The following PCDHGB7 variants were observed in gnomAD, a reference collection of about 807,000 sequenced individuals.
PCDHGB7 encodes protocadherin gamma subfamily B, 7, also known as protocadherin gamma-B7.
PCDHGB7 carries 37 observed loss-of-function variants against 61.4 expected under a neutral mutation model. The ratio of observed to expected loss-of-function variants is 0.60; its 90% confidence interval spans 0.46 to 0.79. The LOEUF is 0.79. PCDHGB7 is among the 30% of genes least tolerant of loss of function. The pLI is 0.00. For missense variants in PCDHGB7, 1,166 were observed against 1,202.5 expected (o/e 0.97, Z 0.45); for synonymous variants, 464 against 503.5 (o/e 0.92, Z 1.05).
chr5:141,421,222 C>G, intron 1 of PCDHGB7: 2 of 1,576,946 alleles, frequency 1.3e-6, no homozygotes, highest in Non-Finnish European at 1.7e-6. Flanking sequence ...CGGCTTAGAG[C>G]CTGCCATGGC....
chr5:141,482,767 A>AGCTAGTACTATAATTATTTTTATTAGTTC (rs1370824281), intron 1 of PCDHGB7, among the ~76,000 whole-genome samples: 2 of 150,588 alleles, frequency 1.3e-5, no homozygotes, highest in African/African-American at 2.5e-5. Context: ...TTTCATTATC[A>AGCTAGTACTATAATTATTTTTATTAGTTC]CTGAACCTTA....
At chr5:141,496,799 G>C (rs2099771487) in intron 2 of PCDHGB7, among the ~76,000 whole-genome samples, 1 of 151,912 alleles carries the variant, frequency 6.6e-6, no homozygotes, top group African/African-American at 2.4e-5. Context: ...TAAACATTGG[G>C]CTATAGGAGT....
chr5:141,421,338 A>G (rs560707757), intron 1 of PCDHGB7: 2 of 1,613,966 alleles, frequency 1.2e-6, no homozygotes, highest in Non-Finnish European at 1.7e-6. Context: ...ATTCGGTGCC[A>G]GAAGAGACCG....
At position 141,432,587 on chromosome 5, in the gene PCDHGB7, A is replaced by G. The variant is rs1344597432; in HGVS notation, c.2415+12313A>G. 5 of 1,613,132 alleles carry G rather than the reference A, an allele frequency of 3.1e-6. No homozygotes were observed. In the East Asian group the frequency reaches 8.9e-5, roughly 29 times the overall value. ...CGCCTGGCTGTCCTACCGTCTGCTC[A>G]AGGCCAGCGAGCCGGGACTCTTCTC... On this transcript the variant is annotated intron_variant, in intron 1 of 3. Transcript: ENST00000398594. This position sits in a 1 kb window ranked among gnomAD's most constrained non-coding sequence, Gnocchi z 6.0.
chr5:141,422,746 T>G (rs763386007), intron 1 of PCDHGB7: 1 of 1,611,014 alleles, frequency 6.2e-7, no homozygotes, highest in Non-Finnish European at 8.5e-7. Context: ...CTCCTATGTC[T>G]CTATTAACTC....
At position 141,491,733 on chromosome 5, in the gene PCDHGB7, TGGGGGCGGCAC is replaced by T; in HGVS notation, c.2416-3073_2416-3063del. 1.9e-6 allele frequency: 3 copies of T among 1,602,698 alleles called. No individual in the cohort carries two copies. The highest frequency in any genetic ancestry group is 2.6e-6 in the Non-Finnish European group (3 of 1,175,258). On this transcript the variant is annotated intron_variant, in intron 1 of 3. Coordinates refer to ENST00000398594, the MANE Select transcript of PCDHGB7 (RefSeq NM_018927.4). The surrounding 1 kb of genome is among the most constrained non-coding windows in gnomAD (Gnocchi z 6.9). ...GCTCGGCGCCGCCCCGGGCGACCCC[TGGGGGCGGCAC>T]TGGAGAAGCCGCCCGTCCTCATAAG...
intron 1 of PCDHGB7, among the ~76,000 whole-genome samples, chr5:141,481,647 A>G (rs749515062): frequency 1.6e-4 from 25 of 151,712 alleles, no homozygotes; most frequent in Non-Finnish European, 2.8e-4. Flanking sequence ...GTGAAACTTC[A>G]TCTCTACTAA....
chr5:141,422,467 G>A (rs1380910490), intron 1 of PCDHGB7: 1 of 1,613,664 alleles, frequency 6.2e-7, no homozygotes, highest in Non-Finnish European at 8.5e-7. Context: ...GCTGGACAGG[G>A]AGTTGGTCCA....
At chr5:141,430,906 C>A (rs764039566) in intron 1 of PCDHGB7, 2 of 1,606,932 alleles carry the variant, frequency 1.2e-6, no homozygotes, top group Non-Finnish European at 1.7e-6. Flanking sequence ...GCGACATCTC[C>A]AGGGACCTGG....
rs2099750571 is a variant in PCDHGB7, at chr5:141,493,878, T to A, written c.2416-929T>A. On this transcript the variant is annotated intron_variant, in intron 1 of 3. Coordinates refer to ENST00000398594, the MANE Select transcript of PCDHGB7 (RefSeq NM_018927.4). This position sits in a 1 kb window ranked among gnomAD's most constrained non-coding sequence, Gnocchi z 4.3. ...GCCCACCCCAGAACCAGTGAGGAGG[T>A]GGCTCTAGGAGTGCTCCATGAGAGT... is the stretch of plus-strand genomic sequence containing the variant. 6.6e-6 allele frequency among the ~76,000 whole-genome samples: 1 copy of A among 152,072 alleles called. No homozygotes were observed. The highest frequency in any genetic ancestry group is 6.6e-5 in the Admixed American group (1 of 15,264).
intron 1 of PCDHGB7, among the ~76,000 whole-genome samples, chr5:141,474,588 A>G (rs2099351676): frequency 6.6e-6 from 1 of 152,258 alleles, no homozygotes; most frequent in Non-Finnish European, 1.5e-5. Context: ...TGTTAAAGAC[A>G]TGGAAATATA....
intron 1 of PCDHGB7, among the ~76,000 whole-genome samples, chr5:141,430,143 A>C (rs1451633366): frequency 2.0e-5 from 3 of 152,180 alleles, no homozygotes; most frequent in Non-Finnish European, 4.4e-5. Flanking sequence ...TCCATTCAGG[A>C]TCATTCAAGG....
chr5:141,489,951 T>C lies in PCDHGB7; in HGVS notation c.2416-4856T>C. On this transcript the variant is annotated intron_variant, in intron 1 of 3. Coordinates refer to ENST00000398594, the MANE Select transcript of PCDHGB7 (RefSeq NM_018927.4). The surrounding 1 kb of genome is among the most constrained non-coding windows in gnomAD (Gnocchi z 4.5). ...CTGTCATCGTGCTGGACATCAATGATAATGCTCCAACCTTCCAATCCTCAG... is the reference window on the plus strand; with the variant it reads ...CTGTCATCGTGCTGGACATCAATGACAATGCTCCAACCTTCCAATCCTCAG... 6.2e-7 allele frequency: 1 copy of C among 1,614,210 alleles called. No homozygotes were observed. Among genetic ancestry groups the C allele is most frequent in the Non-Finnish European group, 8.5e-7 (1 of 1,180,032 alleles).
chr5:141,472,068 G>C (rs1050927364), intron 1 of PCDHGB7, among the ~76,000 whole-genome samples: 7 of 151,974 alleles, frequency 4.6e-5, no homozygotes, highest in Non-Finnish European at 8.8e-5. Context: ...CATGTCTGTG[G>C]TTATATCAAT....
At chr5:141,420,341 G>A in intron 1 of PCDHGB7, 67 bp downstream of exon 1, 5 of 1,391,412 alleles carry the variant, frequency 3.6e-6, no homozygotes, top group Middle Eastern at 1.9e-4. Context: ...CAATATAGTG[G>A]TATTATTTTA....
chr5:141,483,916 A>C (rs1377841777), intron 1 of PCDHGB7, among the ~76,000 whole-genome samples: 1 of 144,996 alleles, frequency 6.9e-6, no homozygotes, highest in African/African-American at 2.5e-5. Flanking sequence ...TCCCACTCAG[A>C]TTGCAGGTCG....
intron 1 of PCDHGB7, chr5:141,430,540 G>T: frequency 2.6e-6 from 1 of 386,954 alleles, no homozygotes; most frequent in Admixed American, 4.2e-5. Flanking sequence ...GACTCTGAGC[G>T]CCGCTGTTCA....
rs769641310 is a variant in PCDHGB7, at chr5:141,477,421, T to G, written c.2416-17386T>G. 1.7e-5 allele frequency: 28 copies of G among 1,614,172 alleles called. No individual in the cohort carries two copies. Among genetic ancestry groups the G allele is most frequent in the Non-Finnish European group, 2.3e-5 (27 of 1,180,028 alleles). On this transcript the variant is annotated intron_variant, in intron 1 of 3. Coordinates refer to ENST00000398594, the MANE Select transcript of PCDHGB7 (RefSeq NM_018927.4). The surrounding 1 kb of genome is among the most constrained non-coding windows in gnomAD (Gnocchi z 4.9). ...TCACCGCCCGAGACGCCGGAACCCC[T>G]TCCCTCTCAGCCCTTACAATAGTGC...
chr5:141,480,429 T>C (rs72790066), intron 1 of PCDHGB7, among the ~76,000 whole-genome samples: 4 of 151,864 alleles, frequency 2.6e-5, no homozygotes, highest in African/African-American at 9.7e-5. Flanking sequence ...AAAAAAATTA[T>C]CAGCTATTAC....
Sources: allele counts gnomAD v4.1 joint callset (sites outside exome capture counted in the v4.1 genomes callset), GRCh38; gene constraint gnomAD v4.1.1; non-coding constraint Gnocchi (gnomAD v3.1); transcripts MANE v1.5; gene names NCBI Gene and HGNC (gene_info 2026-07-23, HGNC 2026-07-21).